ITGB5: variants seen among roughly 807,000 people sequenced by gnomAD.
The protein encoded by ITGB5 is integrin subunit beta 5.
In ITGB5, 38 loss-of-function variants were observed where a neutral mutation model predicts 84.8. The observed-to-expected ratio is 0.45, with a 90% confidence interval of 0.35 to 0.59. ITGB5 has a LOEUF of 0.59. Among genes scored for constraint, ITGB5 ranks in the 20% least tolerant of loss-of-function variants. The probability of loss-of-function intolerance (pLI) is 0.01; values close to 1 mark genes in which losing one functional copy is unlikely to be tolerated. For synonymous variants in ITGB5, 393 were observed against 414.4 expected (o/e 0.95, Z 0.63); for missense variants, 905 against 1,034.5 (o/e 0.87, Z 1.72).
At chr3:124,874,550 A>T (rs1934218263) in intron 1 of ITGB5, among the ~76,000 whole-genome samples, 1 of 152,230 alleles carries the variant, frequency 6.6e-6, no homozygotes, top group South Asian at 2.1e-4. Flanking sequence ...TAGCCAAAAC[A>T]ATCTTAAGCA....
chr3:124,803,725 T>C (rs1176769958), intron 9 of ITGB5, among the ~76,000 whole-genome samples: 2 of 152,190 alleles, frequency 1.3e-5, no homozygotes, highest in Non-Finnish European at 2.9e-5. Flanking sequence ...AGCGGCACTC[T>C]CCCGTGGAGG....
chr3:124,831,271 G>A (rs1045991236), intron 5 of ITGB5, among the ~76,000 whole-genome samples: 3 of 152,144 alleles, frequency 2.0e-5, no homozygotes, highest in African/African-American at 7.2e-5. Context: ...ATGGTTCCCT[G>A]GATGTGGTCT....
chr3:124,786,388 G>C (rs1197279037), intron 10 of ITGB5, among the ~76,000 whole-genome samples: 2 of 151,662 alleles, frequency 1.3e-5, no homozygotes, highest in African/African-American at 4.9e-5. Context: ...AGTCAACAGG[G>C]CAAGACCCTG....
At chr3:124,806,796 G>GTTTT (rs10654284) in intron 9 of ITGB5, among the ~76,000 whole-genome samples, 7,348 of 147,478 alleles carry the variant, frequency 0.05, 423 homozygotes, top group African/African-American at 0.13. Flanking sequence ...AAGCATTAGT[G>GTTTT]TTTTTTTTTT....
In ITGB5 at chr3:124,763,557, C is replaced by T. The variant is rs954999122; in HGVS notation, c.*66G>A. 1.7e-5 allele frequency: 16 copies of T among 958,856 alleles called. No homozygotes were observed. Among genetic ancestry groups the T allele is most frequent in the Non-Finnish European group, 1.9e-5 (11 of 593,920 alleles). 59.4% of individuals were successfully genotyped at this position (958,856 alleles called of 1,614,324 possible). The stretch of plus-strand genomic sequence containing the variant: ...GGGAGCTGTGATCAAGCCGAGCAGC[C>T]GTGCAAGGCGTTTCAGTCTGACCTT... On this transcript the variant is annotated 3_prime_UTR_variant, in exon 15 of 15. Transcript: ENST00000296181.
intron 9 of ITGB5, among the ~76,000 whole-genome samples, chr3:124,799,746 C>G (rs1173635099): frequency 1.3e-5 from 2 of 152,166 alleles, no homozygotes; most frequent in African/African-American, 4.8e-5. Flanking sequence ...GCTCACACAG[C>G]TGATGAGTGG....
chr3:124,840,576 C>T (rs1465126308), intron 5 of ITGB5, among the ~76,000 whole-genome samples: 1 of 151,958 alleles, frequency 6.6e-6, no homozygotes, highest in South Asian at 2.1e-4. Flanking sequence ...AAGTCTAGGC[C>T]CTCCCTCTGG....
chr3:124,774,298 ATTAAG>A (rs1213986501), intron 10 of ITGB5, among the ~76,000 whole-genome samples: 5 of 152,136 alleles, frequency 3.3e-5, no homozygotes, highest in Non-Finnish European at 7.4e-5. Flanking sequence ...CACAGATGAG[ATTAAG>A]TTAAGGATTT....
chr3:124,892,008 G>T (rs1227581160), upstream of ITGB5, among the ~76,000 whole-genome samples: 2 of 152,098 alleles, frequency 1.3e-5, no homozygotes, highest in African/African-American at 4.8e-5. Flanking sequence ...TTATATTACA[G>T]CATGGGTGAA....
intron 5 of ITGB5, among the ~76,000 whole-genome samples, chr3:124,840,665 T>TTC (rs1553763041): frequency 6.6e-6 from 1 of 150,964 alleles, no homozygotes; most frequent in Non-Finnish European, 1.5e-5. Flanking sequence ...TTTCTTTCTT[T>TTC]TTTTTTTTTT....
At chr3:124,804,176 CT>C (rs1476566401) in intron 9 of ITGB5, among the ~76,000 whole-genome samples, 4 of 152,170 alleles carry the variant, frequency 2.6e-5, no homozygotes, top group Admixed American at 2.0e-4. Flanking sequence ...TTCCTTTGAC[CT>C]TTCTAGCTTC....
intron 8 of ITGB5, among the ~76,000 whole-genome samples, chr3:124,809,550 T>A (rs2064464961): frequency 6.6e-6 from 1 of 152,126 alleles, no homozygotes; most frequent in Non-Finnish European, 1.5e-5. Context: ...CCTTTCCATG[T>A]GCCCAGGGCA....
intron 5 of ITGB5, among the ~76,000 whole-genome samples, chr3:124,827,302 G>A (rs2064797233): frequency 6.6e-6 from 1 of 152,178 alleles, no homozygotes; most frequent in African/African-American, 2.4e-5. Flanking sequence ...TTGCAGAGCT[G>A]CTGCTAGGTT....
At chr3:124,837,152 C>G (rs1048129702) in intron 5 of ITGB5, among the ~76,000 whole-genome samples, 3 of 152,234 alleles carry the variant, frequency 2.0e-5, no homozygotes, top group Non-Finnish European at 4.4e-5. Flanking sequence ...TGATAACTGA[C>G]AACTTGGGAC....
chr3:124,826,063 T>C (rs1335091530), intron 5 of ITGB5, among the ~76,000 whole-genome samples: 1 of 152,180 alleles, frequency 6.6e-6, no homozygotes, highest in African/African-American at 2.4e-5. Flanking sequence ...AGTTATAGTG[T>C]GATTACAAAC....
intron 2 of ITGB5, among the ~76,000 whole-genome samples, chr3:124,866,663 G>C (rs2065394980): frequency 6.6e-6 from 1 of 152,218 alleles, no homozygotes; most frequent in Non-Finnish European, 1.5e-5. Flanking sequence ...CACAGGCGGG[G>C]AGCTGGCTTC....
intron 2 of ITGB5, among the ~76,000 whole-genome samples, chr3:124,860,040 T>C (rs974468011): frequency 1.3e-5 from 2 of 152,226 alleles, no homozygotes; most frequent in Admixed American, 1.3e-4. Flanking sequence ...ACTTATCATC[T>C]TTCACAGGCA....
At chr3:124,796,869 C>A in intron 9 of ITGB5, 52 bp from the exon 10 acceptor site, 2 of 1,532,802 alleles carry the variant, frequency 1.3e-6, no homozygotes, top group South Asian at 1.3e-5. Context: ...CCAGGGTCTC[C>A]CATTCACCCA....
At chr3:124,881,711 TA>T (rs1348949217) in intron 1 of ITGB5, among the ~76,000 whole-genome samples, 1 of 152,122 alleles carries the variant, frequency 6.6e-6, no homozygotes, top group African/African-American at 2.4e-5. Flanking sequence ...CTCATGCCTG[TA>T]ATCCCAGCAC....
Sources: gnomAD v4.1 joint callset for allele counts (sites outside exome capture counted in the v4.1 genomes callset) on GRCh38, gnomAD v4.1.1 for gene constraint, MANE v1.5 for transcripts, NCBI Gene and HGNC (gene_info 2026-07-23, HGNC 2026-07-21) for gene names.